RNF2: variants seen among roughly 807,000 people sequenced by gnomAD.
The protein encoded by RNF2 is E3 ubiquitin-protein ligase RING2.
RNF2 carries 6 observed loss-of-function variants against 37.2 expected under a neutral mutation model. The ratio of observed to expected loss-of-function variants is 0.16; its 90% CI spans 0.09 to 0.32. RNF2 has a LOEUF of 0.32. RNF2 is among the 10% of genes least tolerant of loss of function. RNF2 has a pLI of 1.00. For synonymous variants in RNF2, 133 were observed against 132.7 expected, an observed-to-expected ratio of 1.00 and a Z score of -0.02; for missense variants, 251 against 404.0, an observed-to-expected ratio of 0.62 and a Z score of 3.25.
At chr1:185,099,766 AAT>A (rs1296537577) in intron 5 of RNF2, 23 bp from the exon 6 acceptor site, 3 of 1,585,736 alleles carry the variant, frequency 1.9e-6, no homozygotes. Context: ...CTAGAAATGA[AAT>A]TTTTAATGAT....
At chr1:185,055,264 T>C (rs997030676) in intron 1 of RNF2, among the ~76,000 whole-genome samples, 4 of 152,288 alleles carry the variant, frequency 2.6e-5, no homozygotes, top group African/African-American at 7.2e-5. Context: ...AATTCAAAAA[T>C]CTGAAATCAG....
chr1:185,098,968 T>A (rs903090145), intron 5 of RNF2, among the ~76,000 whole-genome samples: 3 of 151,890 alleles, frequency 2.0e-5, no homozygotes, highest in African/African-American at 7.3e-5. Context: ...GCCAGGATGG[T>A]CTCGATCTCT....
intron 1 of RNF2, among the ~76,000 whole-genome samples, chr1:185,079,307 C>A (rs1651276813): frequency 6.6e-6 from 1 of 152,004 alleles, no homozygotes; most frequent in South Asian, 2.1e-4. Flanking sequence ...GGCTGTTGTT[C>A]TAGACTAGCC....
chr1:185,076,268 G>GTTTTTTTTTTTTTGTTT (rs1651152904), intron 1 of RNF2, among the ~76,000 whole-genome samples: 1 of 27,334 alleles, frequency 3.7e-5, no homozygotes, highest in African/African-American at 1.3e-4. Context: ...TTTATGGGTT[G>GTTTTTTTTTTTTTGTTT]TTTTTTTTTT....
rs569329788 is a variant in RNF2 at position 185,100,902 on chromosome 1, GT to G, written c.*612del. ...AACTTAGTGTCCATTGTCATGCAAT[GT>G]TTTTTTTTTTCCATTCTTTTTCCCT... is the stretch of plus-strand genomic sequence containing the variant. On this transcript the variant is annotated 3_prime_UTR_variant, in exon 7 of 7. Coordinates refer to ENST00000367510, the MANE Select transcript of RNF2 (RefSeq NM_007212.4). 132 of 145,820 alleles carry G rather than the reference GT, an allele frequency of 9.1e-4. No individual in the cohort carries two copies. Among genetic ancestry groups the G allele is most frequent in the African/African-American group, 2.6e-3 (102 of 39,812 alleles). 9.0% of individuals were successfully genotyped at this position (145,820 alleles called of 1,614,324 possible).
chr1:185,060,741 A>G (rs1348933977), intron 1 of RNF2, among the ~76,000 whole-genome samples: 3 of 152,234 alleles, frequency 2.0e-5, no homozygotes, highest in Admixed American at 6.5e-5. Context: ...AGAAGATGAA[A>G]AAATCTAGCC....
intron 1 of RNF2, among the ~76,000 whole-genome samples, chr1:185,053,208 A>T (rs1228846155): frequency 6.6e-6 from 1 of 152,132 alleles, no homozygotes; most frequent in Non-Finnish European, 1.5e-5. Flanking sequence ...TATTATTCCC[A>T]TAAAAAAATC....
intron 1 of RNF2, among the ~76,000 whole-genome samples, chr1:185,048,980 TC>T (rs1028227686): frequency 1.8e-4 from 27 of 151,870 alleles, no homozygotes; most frequent in African/African-American, 6.5e-4. Flanking sequence ...AGAATCTGGA[TC>T]CATTGGGAGG....
intron 1 of RNF2, among the ~76,000 whole-genome samples, chr1:185,067,223 G>A (rs1650822133): frequency 6.6e-6 from 1 of 152,204 alleles, no homozygotes; most frequent in Non-Finnish European, 1.5e-5. Context: ...TTTCAGTAAA[G>A]AACACTTTGT....
rs150149736 is a variant in RNF2, at chr1:185,087,035, T to C, written c.-2-517T>C. On this transcript the variant is annotated intron_variant, in intron 1 of 6. Coordinates refer to ENST00000367510, the MANE Select transcript of RNF2 (RefSeq NM_007212.4). ...TAGGCTTTTACTGTCAAGTAGTTCA[T>C]ATTTATAAGTGTAAAGATTTTGAGT... 2.4e-4 allele frequency among the ~76,000 whole-genome samples: 36 copies of C among 152,370 alleles called. 1 individual carries two copies. In the East Asian group the frequency reaches 6.2e-3, roughly 26 times the overall value.
chr1:185,093,214 C>T lies in RNF2; in HGVS notation c.402C>T (p.His134=). ...QERVLARINK[H]NNQQALSHSI... ...GAGTATTAGCCAGGATCAACAAGCA[C>T]AATAATCAGCAAGCACTCAGTCACA... The change falls in exon 4 of 7, where the codon CAC becomes CAT. Residue 134 remains histidine, a synonymous_variant. Coordinates refer to ENST00000367510, the MANE Select transcript of RNF2 (RefSeq NM_007212.4). 6.2e-7 allele frequency: 1 copy of T among 1,613,936 alleles called. No homozygotes were observed. The highest frequency in any genetic ancestry group is 8.5e-7 in the Non-Finnish European group (1 of 1,179,982).
chr1:185,086,351 CA>C (rs1651600320), intron 1 of RNF2, among the ~76,000 whole-genome samples: 1 of 151,976 alleles, frequency 6.6e-6, no homozygotes, highest in Admixed American at 6.6e-5. Context: ...CTGTGTCCCA[CA>C]AGAGTGAGTT....
At chr1:185,069,034 C>T (rs1650886406) in intron 1 of RNF2, among the ~76,000 whole-genome samples, 1 of 152,154 alleles carries the variant, frequency 6.6e-6, no homozygotes, top group African/African-American at 2.4e-5. Context: ...TTATTGCTGC[C>T]TTCTCCCTCA....
chr1:185,099,412 T>C (rs1201389140), intron 5 of RNF2, among the ~76,000 whole-genome samples: 1 of 152,200 alleles, frequency 6.6e-6, no homozygotes, highest in Non-Finnish European at 1.5e-5. Flanking sequence ...AGAAATTTGC[T>C]TCTATTCTGT....
At chr1:185,049,321 A>G (rs887039177) in intron 1 of RNF2, among the ~76,000 whole-genome samples, 3 of 152,202 alleles carry the variant, frequency 2.0e-5, no homozygotes, top group Non-Finnish European at 4.4e-5. Flanking sequence ...TTTCTAGGAT[A>G]TGTGCTACAT....
intron 1 of RNF2, among the ~76,000 whole-genome samples, chr1:185,056,409 A>G (rs947624888): frequency 6.7e-6 from 1 of 150,334 alleles, no homozygotes; most frequent in Non-Finnish European, 1.5e-5. Context: ...TGCAGACTGG[A>G]GTGCAGTGGC....
intron 1 of RNF2, among the ~76,000 whole-genome samples, chr1:185,081,648 T>C (rs1351214639): frequency 6.6e-6 from 1 of 151,564 alleles, no homozygotes; most frequent in Non-Finnish European, 1.5e-5. Context: ...TGACCTCAGG[T>C]GATCACCTGC....
chr1:185,094,417 A>G (rs1651855562), intron 4 of RNF2, among the ~76,000 whole-genome samples: 1 of 152,278 alleles, frequency 6.6e-6, no homozygotes, highest in East Asian at 1.9e-4. Flanking sequence ...CTGAGATTAC[A>G]GGTGTGATCC....
chr1:185,065,129 C>G (rs560170124), intron 1 of RNF2, among the ~76,000 whole-genome samples: 1 of 152,172 alleles, frequency 6.6e-6, no homozygotes, highest in African/African-American at 2.4e-5. Flanking sequence ...CCAATCAGCC[C>G]TCTTTGTCTA....
Sources: gnomAD v4.1 joint callset for allele counts (sites outside exome capture counted in the v4.1 genomes callset) on GRCh38, gnomAD v4.1.1 for gene constraint, MANE v1.5 for transcripts, NCBI Gene and HGNC (gene_info 2026-07-23, HGNC 2026-07-21) for gene names.